PIAS4: variants seen among roughly 807,000 people sequenced by gnomAD.
PIAS4 encodes the protein protein inhibitor of activated STAT 4.
A neutral mutation model predicts 58.0 loss-of-function variants in PIAS4; 7 were observed. The ratio of observed to expected loss-of-function variants is 0.12; its 90% CI spans 0.07 to 0.23. PIAS4 has a LOEUF of 0.23. Among genes scored for constraint, PIAS4 ranks in the 10% least tolerant of loss-of-function variants. PIAS4 has a pLI of 1.00. For missense variants in PIAS4, 550 were observed against 709.5 expected, an observed-to-expected ratio of 0.78 and a Z score of 2.55; for synonymous variants, 364 against 312.4, an observed-to-expected ratio of 1.17 and a Z score of -1.74.
At chr19:4,029,811 ATTTTTTTT>A (rs1172132330) in intron 7 of PIAS4, among the ~76,000 whole-genome samples, 5 of 55,044 alleles carry the variant, frequency 9.1e-5, no homozygotes, top group Non-Finnish European at 1.5e-4. Context: ...CACCCAACTA[ATTTTTTTT>A]TTTTTTTTTT....
chr19:4,027,423 G>A (rs2040176949), intron 3 of PIAS4, among the ~76,000 whole-genome samples: 1 of 152,222 alleles, frequency 6.6e-6, no homozygotes, highest in Non-Finnish European at 1.5e-5. Flanking sequence ...TCTACGGAAG[G>A]ACACTCAGGA....
intron 4 of PIAS4, 50 bp from the exon 5 acceptor site, chr19:4,028,460 T>C (rs776744081): frequency 7.4e-6 from 10 of 1,357,502 alleles, no homozygotes; most frequent in Non-Finnish European, 1.0e-5. Context: ...AGCAGCCTAG[T>C]CCCTCCTGTG....
Position 4,027,831 on chromosome 19 carries a change from T to C in PIAS4, c.540-315T>C, listed in dbSNP as rs1442892811. Reference sequence around the variant, plus strand: ...TCCCAAACTGGGTGTTTTCTTGCCATTGTGAGCCAGCTGCTAGATTCCCGC... The same window carrying C: ...TCCCAAACTGGGTGTTTTCTTGCCACTGTGAGCCAGCTGCTAGATTCCCGC... On this transcript the variant is annotated intron_variant, in intron 3 of 10. Transcript: ENST00000262971. Among the ~76,000 whole-genome samples the C allele has an allele frequency of 4.6e-5, 7 of 152,256 alleles. No individual in the cohort carries two copies. The East Asian group carries it at 1.3e-3, about 29-fold the overall frequency.
At chr19:4,022,467 C>T (rs533177043) in intron 2 of PIAS4, among the ~76,000 whole-genome samples, 14 of 151,988 alleles carry the variant, frequency 9.2e-5, no homozygotes, top group Admixed American at 3.9e-4. Flanking sequence ...CCCAGGTTCG[C>T]GCCATTCTCC....
chr19:4,009,464 C>T (rs1243230747), intron 1 of PIAS4, among the ~76,000 whole-genome samples: 1 of 152,048 alleles, frequency 6.6e-6, no homozygotes, highest in African/African-American at 2.4e-5. Flanking sequence ...ACCCTGGACC[C>T]CAACCCCCAC....
rs1195409341 is a variant in PIAS4 at position 4,011,675 on chromosome 19, G to T, written c.28-1248G>T. 4.7e-3 allele frequency among the ~76,000 whole-genome samples: 621 copies of T among 133,110 alleles called. 10 individuals carry two copies. The highest frequency in any genetic ancestry group is 0.014 in the African/African-American group (507 of 36,956). The allele number at this position is 133,110 out of a possible 152,430, so 87.3% of individuals were successfully genotyped here. Reference sequence around the variant, plus strand: ...GGTGTGTTTGGTGTGGAGGTGTGGGGGGTGTGGAGGTGTGTGGGGTGTGGA... The same window carrying T: ...GGTGTGTTTGGTGTGGAGGTGTGGGTGGTGTGGAGGTGTGTGGGGTGTGGA... On this transcript the variant is annotated intron_variant, in intron 1 of 10. Coordinates refer to ENST00000262971, the MANE Select transcript of PIAS4 (RefSeq NM_015897.4).
At chr19:4,036,069 TGTCACACATCCGTACAGTCCACACC>T (rs1475833227) in intron 9 of PIAS4, among the ~76,000 whole-genome samples, 5 of 9,810 alleles carry the variant, frequency 5.1e-4, no homozygotes, top group Admixed American at 2.6e-3. Flanking sequence ...CAGTCCACAC[TGTCACACATCCGTACAGTCCACACC>T]GTCATACAAA....
chr19:4,018,413 G>T (rs1039473441), intron 2 of PIAS4: 1 of 152,272 alleles, frequency 6.6e-6, no homozygotes, highest in African/African-American at 2.4e-5. Flanking sequence ...TGGCAGCCTT[G>T]GGTGGAGCCA....
intron 2 of PIAS4, among the ~76,000 whole-genome samples, chr19:4,016,496 A>G (rs1054979171): frequency 1.3e-5 from 2 of 152,230 alleles, no homozygotes; most frequent in East Asian, 1.9e-4. Flanking sequence ...AGCATTGCCC[A>G]GGCCACAGCA....
chr19:4,020,838 C>T (rs545352148), intron 2 of PIAS4, among the ~76,000 whole-genome samples: 6 of 152,308 alleles, frequency 3.9e-5, no homozygotes, highest in East Asian at 1.9e-4. Flanking sequence ...TGTGCTACAG[C>T]GATCCTCCCA....
At position 4,028,531 on chromosome 19, in the gene PIAS4, C is replaced by T. The variant is rs1369163263; in HGVS notation, c.603C>T (p.Ser201=). The part of the protein sequence containing the change: ...VVLRICYSDT[S]CPQEDQYPPN... The stretch of plus-strand genomic sequence containing the variant: ...GCAGAATCTGTTACTCAGACACCAG[C>T]TGCCCTCAGGAGGACCAGTACCCGC... Residue 201 remains serine (S), a synonymous_variant, in exon 5 of 11, where the codon AGC becomes AGT. Transcript: ENST00000262971. 1 of 1,612,916 alleles carries T rather than the reference C, an allele frequency of 6.2e-7. No individual in the cohort carries two copies. Among genetic ancestry groups the T allele is most frequent in the South Asian group, 1.1e-5 (1 of 91,038 alleles).
In PIAS4 at chr19:4,020,819, T is replaced by TC. The variant is rs568324317; in HGVS notation, c.455-3215dup. Among the ~76,000 whole-genome samples, 70 of 151,934 alleles carry TC rather than the reference T, an allele frequency of 4.6e-4. 1 individual carries two copies. In the South Asian group the frequency reaches 0.012, roughly 26 times the overall value. On this transcript the variant is annotated intron_variant, in intron 2 of 10. Coordinates refer to ENST00000262971, the MANE Select transcript of PIAS4 (RefSeq NM_015897.4). The stretch of plus-strand genomic sequence containing the variant: ...TCTCACTGTGTTGCCTGGGCTGGGC[T>TC]CCAACTCCTGTGCTACAGCGATCCT...
intron 2 of PIAS4, among the ~76,000 whole-genome samples, chr19:4,019,937 GA>G (rs1555688166): frequency 1.6e-4 from 22 of 140,456 alleles, no homozygotes; most frequent in Non-Finnish European, 3.2e-4. Flanking sequence ...TTTTTTTTTT[GA>G]AATGGAGTCT....
At chr19:4,011,792 T>G (rs1180735724) in intron 1 of PIAS4, among the ~76,000 whole-genome samples, 1 of 17,492 alleles carries the variant, frequency 5.7e-5, no homozygotes, top group East Asian at 3.0e-3. Flanking sequence ...TGGAGGTGTG[T>G]GGGGTGTGGA....
At chr19:4,036,480 C>G (rs972006995) in intron 9 of PIAS4, among the ~76,000 whole-genome samples, 12 of 146,176 alleles carry the variant, frequency 8.2e-5, no homozygotes, top group Admixed American at 2.7e-4. Context: ...GTCACACATC[C>G]ATACAGTCCA....
In PIAS4 at chr19:4,028,448, G is replaced by A. The variant is rs2040189989; in HGVS notation, c.582-62G>A. On this transcript the variant is annotated intron_variant, in intron 4 of 10. Coordinates refer to ENST00000262971, the MANE Select transcript of PIAS4 (RefSeq NM_015897.4). ...GCCTGGCTACCACTCGTGTACCCCC[G>A]CAGCAGCCTAGTCCCTCCTGTGCGC... The A allele has an allele frequency of 8.9e-6, 11 of 1,231,266 alleles. No individual in the cohort carries two copies. The East Asian group carries it at 2.0e-4, about 22-fold the overall frequency. 76.3% of individuals were successfully genotyped at this position (1,231,266 alleles called of 1,614,324 possible).
At chr19:4,007,933 C>A (rs957779497) in intron 1 of PIAS4, 146 bp downstream of exon 1, 3 of 489,134 alleles carry the variant, frequency 6.1e-6, no homozygotes, top group South Asian at 9.9e-5. Context: ...CCCCGACCCC[C>A]GGTCTCAGGG....
intron 9 of PIAS4, among the ~76,000 whole-genome samples, chr19:4,035,431 C>T (rs868435646): frequency 6.6e-6 from 1 of 152,142 alleles, no homozygotes; most frequent in Non-Finnish European, 1.5e-5. Flanking sequence ...CAGGGCCTGC[C>T]TCCAGTTGGC....
At chr19:4,019,005 G>A (rs2040081478) in intron 2 of PIAS4, among the ~76,000 whole-genome samples, 2 of 152,082 alleles carry the variant, frequency 1.3e-5, no homozygotes, top group African/African-American at 2.4e-5. Context: ...GGTCTCCTGC[G>A]GAGCCATCCC....
Sources: gnomAD v4.1 joint callset for allele counts (sites outside exome capture counted in the v4.1 genomes callset) on GRCh38, gnomAD v4.1.1 for gene constraint, MANE v1.5 for transcripts, NCBI Gene and HGNC (gene_info 2026-07-23, HGNC 2026-07-21) for gene names.